The following SLC35F1 variants were observed in gnomAD, a reference collection of about 807,000 sequenced individuals.
SLC35F1 encodes chromosome 6 open reading frame 169.
A neutral mutation model predicts 48.7 loss-of-function variants in SLC35F1; 14 were observed. That is an observed-to-expected ratio of 0.29 (90% CI 0.19 to 0.45). The LOEUF is 0.45. SLC35F1 is among the 20% of genes least tolerant of loss of function. SLC35F1 has a pLI of 1.00. For synonymous variants in SLC35F1, 190 were observed against 202.2 expected (o/e 0.94, Z 0.51); for missense variants, 404 against 500.0 (o/e 0.81, Z 1.83).
chr6:118,026,430 G>T (rs1366723766), intron 1 of SLC35F1, among the ~76,000 whole-genome samples: 1 of 152,158 alleles, frequency 6.6e-6, no homozygotes, highest in Non-Finnish European at 1.5e-5. Flanking sequence ...TACAGATGGT[G>T]TTTAACTATT....
At chr6:118,255,611 T>A (rs916027408) in intron 3 of SLC35F1, among the ~76,000 whole-genome samples, 1 of 152,186 alleles carries the variant, frequency 6.6e-6, no homozygotes, top group African/African-American at 2.4e-5. Context: ...TCTTTTCTCC[T>A]TTGAGAGCTG....
At chr6:117,966,130 C>CA (rs1776561249) in intron 1 of SLC35F1, among the ~76,000 whole-genome samples, 1 of 27,250 alleles carries the variant, frequency 3.7e-5, no homozygotes. Flanking sequence ...AGCAGGCCAC[C>CA]GCCCCCCCCC....
intron 1 of SLC35F1, among the ~76,000 whole-genome samples, chr6:118,083,549 A>G (rs1458487873): frequency 1.3e-5 from 2 of 152,230 alleles, no homozygotes; most frequent in Non-Finnish European, 2.9e-5. Flanking sequence ...CCTCACAGAT[A>G]TTAAAAGCAA....
At chr6:117,910,929 G>T (rs927563686) in intron 1 of SLC35F1, among the ~76,000 whole-genome samples, 11 of 152,234 alleles carry the variant, frequency 7.2e-5, no homozygotes, top group African/African-American at 2.4e-4. Context: ...TTAATTAAAG[G>T]TACTTCTTGC....
rs139217628 is a variant in SLC35F1 at position 118,314,222 on chromosome 6, C to T, written c.1197C>T (p.Thr399=). 2.5e-4 allele frequency: 408 copies of T among 1,614,142 alleles called. No homozygotes were observed. Among genetic ancestry groups the T allele is most frequent in the Non-Finnish European group, 3.3e-4 (388 of 1,180,020 alleles). ...SVTYTSLGQE[T]EEEPHVRVA Reference sequence around the variant, plus strand: ...CCTACACCAGCCTGGGCCAGGAGACCGAAGAGGAGCCTCATGTTCGTGTGG... The same window carrying T: ...CCTACACCAGCCTGGGCCAGGAGACTGAAGAGGAGCCTCATGTTCGTGTGG... The change falls in exon 8 of 8, where the codon ACC becomes ACT. Residue 399 remains threonine, a synonymous_variant. Transcript: ENST00000360388.
intron 1 of SLC35F1, among the ~76,000 whole-genome samples, chr6:118,001,099 T>C (rs1349036958): frequency 2.0e-5 from 3 of 152,160 alleles, no homozygotes; most frequent in East Asian, 1.9e-4. Flanking sequence ...GAAAAAACTA[T>C]TTTAAAGTTC....
rs1448033579 is a variant in SLC35F1 at position 118,316,054 on chromosome 6, C to T, written c.*1802C>T. On this transcript the variant is annotated 3_prime_UTR_variant, in exon 8 of 8. Transcript: ENST00000360388. ...TGTTACATAAGCAAGCAAAGCAAAA[C>T]ACCAGTGGGGTCTCTGGAAAGTAAA... 1 of 152,198 alleles carries T rather than the reference C, an allele frequency of 6.6e-6. No homozygotes were observed. The highest frequency in any genetic ancestry group is 2.4e-5 in the African/African-American group (1 of 41,446). The allele number at this position is 152,198 out of a possible 1,614,324, so 9.4% of individuals were successfully genotyped here. A position where few individuals can be genotyped will look rare whatever the true frequency, so the allele number is the denominator to read the frequency against.
intron 1 of SLC35F1, among the ~76,000 whole-genome samples, chr6:117,916,726 T>A (rs891418674): frequency 6.6e-6 from 1 of 152,106 alleles, no homozygotes; most frequent in Admixed American, 6.5e-5. Flanking sequence ...TTTTCAGAGA[T>A]CACGCAATTA....
chr6:118,066,569 C>T (rs749728023), intron 1 of SLC35F1, among the ~76,000 whole-genome samples: 30 of 152,088 alleles, frequency 2.0e-4, no homozygotes, highest in Non-Finnish European at 4.4e-4. Flanking sequence ...GTAGAGAATC[C>T]AGATAAACTA....
intron 4 of SLC35F1, among the ~76,000 whole-genome samples, chr6:118,270,549 A>G (rs1775837384): frequency 6.6e-6 from 1 of 152,060 alleles, no homozygotes; most frequent in Non-Finnish European, 1.5e-5. Context: ...CACCTGTACA[A>G]CTCATCACCC....
chr6:117,921,572 C>T (rs1210351955), intron 1 of SLC35F1, among the ~76,000 whole-genome samples: 3 of 152,002 alleles, frequency 2.0e-5, no homozygotes, highest in Non-Finnish European at 4.4e-5. Context: ...GGATACATGC[C>T]TTTTGGATTC....
At chr6:118,253,537 A>G (rs1054745126) in intron 3 of SLC35F1, among the ~76,000 whole-genome samples, 1 of 152,102 alleles carries the variant, frequency 6.6e-6, no homozygotes, top group East Asian at 1.9e-4. Flanking sequence ...AGAGCCAAAG[A>G]GTGGCACATG....
chr6:118,040,895 G>A lies in SLC35F1; in HGVS notation c.174-113550G>A, dbSNP rs1772207564. Reference sequence around the variant, plus strand: ...ACTTTAGACACAATTGTATAAAAGAGGGAACCCAAACAAATAAACATTTGT... The same window carrying A: ...ACTTTAGACACAATTGTATAAAAGAAGGAACCCAAACAAATAAACATTTGT... On this transcript the variant is annotated intron_variant, in intron 1 of 7. Coordinates refer to ENST00000360388, the MANE Select transcript of SLC35F1 (RefSeq NM_001029858.4). Among the ~76,000 whole-genome samples, 3 of 137,324 alleles carry A rather than the reference G, an allele frequency of 2.2e-5. No homozygotes were observed. The Admixed American group carries it at 2.2e-4, about 10-fold the overall frequency. The allele number at this position is 137,324 out of a possible 152,430, so 90.1% of individuals were successfully genotyped here.
At chr6:118,291,272 CACACACACACACAT>C (rs1199789146) in intron 7 of SLC35F1, among the ~76,000 whole-genome samples, 5 of 145,466 alleles carry the variant, frequency 3.4e-5, no homozygotes, top group African/African-American at 1.4e-4. Flanking sequence ...CACACACACA[CACACACACACACAT>C]ATATAATAAC....
At chr6:118,132,958 G>A (rs552867703) in intron 1 of SLC35F1, among the ~76,000 whole-genome samples, 7 of 152,288 alleles carry the variant, frequency 4.6e-5, no homozygotes, top group Non-Finnish European at 1.0e-4. Context: ...TCTAGAGGAA[G>A]GCATGGAGAT....
At chr6:118,224,232 C>T (rs1775187138) in intron 2 of SLC35F1, among the ~76,000 whole-genome samples, 1 of 152,104 alleles carries the variant, frequency 6.6e-6, no homozygotes, top group Non-Finnish European at 1.5e-5. Flanking sequence ...CTATCATTAA[C>T]CATTTTGAGC....
intron 1 of SLC35F1, among the ~76,000 whole-genome samples, chr6:118,122,062 T>A (rs1773559726): frequency 6.6e-6 from 1 of 152,162 alleles, no homozygotes; most frequent in African/African-American, 2.4e-5. Flanking sequence ...AAAAATGAAC[T>A]CTAGTTTTAT....
At chr6:118,197,899 A>T (rs2114531608) in intron 2 of SLC35F1, among the ~76,000 whole-genome samples, 1 of 152,356 alleles carries the variant, frequency 6.6e-6, no homozygotes, top group African/African-American at 2.4e-5. Flanking sequence ...TGCTGACAAG[A>T]TAAATACTGC....
intron 1 of SLC35F1, among the ~76,000 whole-genome samples, chr6:118,119,494 G>GCCCC (rs369126799): frequency 3.4e-3 from 179 of 52,104 alleles, no homozygotes; most frequent in East Asian, 0.011. Flanking sequence ...AATAACCGGC[G>GCCCC]CCCCCCCTCC....
Sources: gnomAD v4.1 joint callset for allele counts (sites outside exome capture counted in the v4.1 genomes callset) on GRCh38, gnomAD v4.1.1 for gene constraint, MANE v1.5 for transcripts, NCBI Gene and HGNC (gene_info 2026-07-23, HGNC 2026-07-21) for gene names.